Variants in FRMD4B observed in about 807,000 individuals in gnomAD.
The protein encoded by FRMD4B is FERM domain-containing protein 4B.
A neutral mutation model predicts 141.5 loss-of-function variants in FRMD4B; 74 were observed. The observed-to-expected ratio is 0.52, with a 90% CI of 0.43 to 0.63. The LOEUF (loss-of-function observed/expected upper bound fraction) is 0.63. FRMD4B is among the 30% of genes least tolerant of loss of function. FRMD4B has a pLI of 0.00. For synonymous variants in FRMD4B, 506 were observed against 467.9 expected, an observed-to-expected ratio of 1.08 and a Z score of -1.05; for missense variants, 1,366 against 1,253.4, an observed-to-expected ratio of 1.09 and a Z score of -1.36.
At chr3:69,352,421 T>C (rs986652204) in intron 1 of FRMD4B, among the ~76,000 whole-genome samples, 9 of 152,208 alleles carry the variant, frequency 5.9e-5, no homozygotes, top group African/African-American at 1.4e-4. Flanking sequence ...CCAGTTCCTA[T>C]TGTGATATAT....
At chr3:69,416,658 C>T (rs1375632002) in intron 2 of FRMD4B, among the ~76,000 whole-genome samples, 3 of 152,112 alleles carry the variant, frequency 2.0e-5, no homozygotes, top group African/African-American at 7.2e-5. Flanking sequence ...AGGTTTTAAG[C>T]CCTGCATGTA....
intron 5 of FRMD4B, among the ~76,000 whole-genome samples, chr3:69,255,954 G>A (rs2093489733): frequency 6.6e-6 from 1 of 152,112 alleles, no homozygotes. Context: ...TACTCAAGCA[G>A]GGTGCTCTGG....
At chr3:69,313,918 T>C (rs867671808) in intron 1 of FRMD4B, among the ~76,000 whole-genome samples, 55 of 149,778 alleles carry the variant, frequency 3.7e-4, no homozygotes, top group Middle Eastern at 3.4e-3. Flanking sequence ...GGCGGGCGGA[T>C]CACGAGGTCA....
At chr3:69,344,054 G>A (rs1387364820) in intron 1 of FRMD4B, among the ~76,000 whole-genome samples, 1 of 152,170 alleles carries the variant, frequency 6.6e-6, no homozygotes, top group South Asian at 2.1e-4. Flanking sequence ...CATACCCAGG[G>A]AATATGTGCT....
At chr3:69,256,421 G>A (rs781010736) in intron 5 of FRMD4B, among the ~76,000 whole-genome samples, 3 of 152,204 alleles carry the variant, frequency 2.0e-5, no homozygotes, top group Admixed American at 6.5e-5. Context: ...CCGGGTTCAA[G>A]TGATCCTCTC....
chr3:69,210,569 G>A (rs915903133), intron 11 of FRMD4B, among the ~76,000 whole-genome samples: 1 of 152,062 alleles, frequency 6.6e-6, no homozygotes, highest in Non-Finnish European at 1.5e-5. Flanking sequence ...AAGTAAAGCT[G>A]CTTATTGTCT....
At chr3:69,309,460 G>A (rs1701502736) in intron 3 of FRMD4B, among the ~76,000 whole-genome samples, 1 of 151,678 alleles carries the variant, frequency 6.6e-6, no homozygotes, top group Admixed American at 6.6e-5. Flanking sequence ...ATATACTTGA[G>A]ACAAGGTCTC....
chr3:69,536,728 A>G, intron 1 of FRMD4B: 1 of 631,168 alleles, frequency 1.6e-6, no homozygotes, highest in East Asian at 3.0e-5. Flanking sequence ...TATGGTAAGG[A>G]CTTCCTCAGT....
chr3:69,210,404 G>A (rs2093063822), intron 11 of FRMD4B, among the ~76,000 whole-genome samples: 1 of 150,690 alleles, frequency 6.6e-6, no homozygotes, highest in Admixed American at 6.6e-5. Flanking sequence ...TACTTAGAAG[G>A]AACACAAGGC....
At chr3:69,278,855 C>G (rs1263986040) in intron 5 of FRMD4B, among the ~76,000 whole-genome samples, 1 of 152,158 alleles carries the variant, frequency 6.6e-6, no homozygotes, top group Non-Finnish European at 1.5e-5. Context: ...TCCCAAAGTG[C>G]TGGGATTAGA....
chr3:69,290,355 A>C (rs2107089044), intron 4 of FRMD4B, among the ~76,000 whole-genome samples: 1 of 152,336 alleles, frequency 6.6e-6, no homozygotes, highest in Admixed American at 6.5e-5. Context: ...AGAAGCCATG[A>C]AGTAGAGAGG....
intron 1 of FRMD4B, among the ~76,000 whole-genome samples, chr3:69,486,396 A>C (rs1291083512): frequency 1.3e-5 from 2 of 151,966 alleles, no homozygotes; most frequent in Non-Finnish European, 2.9e-5. Context: ...CAAGTCCCCA[A>C]AGTCCATCGT....
At chr3:69,347,068 T>C (rs1246343827) in intron 1 of FRMD4B, among the ~76,000 whole-genome samples, 2 of 152,194 alleles carry the variant, frequency 1.3e-5, no homozygotes, top group Admixed American at 6.5e-5. Context: ...CCCATCAGTG[T>C]GCTGTATTCA....
At position 69,184,191 on chromosome 3, in the gene FRMD4B, C is replaced by A. The variant is rs533534675; in HGVS notation, c.1920-1474G>T. 2.6e-5 allele frequency among the ~76,000 whole-genome samples: 4 copies of A among 152,248 alleles called. No individual in the cohort carries two copies. The South Asian group carries it at 8.3e-4, about 32-fold the overall frequency. ...CCTCCCAAAGTGCTGGGATTACAGG[C>A]GTGAGCCGCTGCCTGTATAATCTGA... On this transcript the variant is annotated intron_variant, in intron 19 of 22. Transcript: ENST00000398540.
chr3:69,349,251 G>A (rs1240152771), intron 1 of FRMD4B, among the ~76,000 whole-genome samples: 1 of 152,142 alleles, frequency 6.6e-6, no homozygotes, highest in Admixed American at 6.5e-5. Flanking sequence ...AAATACCTAG[G>A]AATCCAACTT....
intron 5 of FRMD4B, among the ~76,000 whole-genome samples, chr3:69,287,027 A>G (rs1440967457): frequency 6.6e-6 from 1 of 152,120 alleles, no homozygotes; most frequent in Non-Finnish European, 1.5e-5. Flanking sequence ...CTGGTCTCGA[A>G]CTACTGACCT....
At chr3:69,516,974 C>T (rs1302234249) in intron 1 of FRMD4B, among the ~76,000 whole-genome samples, 1 of 152,100 alleles carries the variant, frequency 6.6e-6, no homozygotes, top group Non-Finnish European at 1.5e-5. Flanking sequence ...ACTTCCATAC[C>T]TCTCCTCCCT....
intron 5 of FRMD4B, among the ~76,000 whole-genome samples, chr3:69,263,347 G>A (rs1369264527): frequency 6.7e-6 from 1 of 149,632 alleles, no homozygotes; most frequent in East Asian, 2.0e-4. Context: ...TTGGGTGCCA[G>A]TAATCTTCTG....
upstream of FRMD4B, among the ~76,000 whole-genome samples, chr3:69,387,663 C>T (rs1704291819): frequency 6.6e-6 from 1 of 152,186 alleles, no homozygotes; most frequent in Non-Finnish European, 1.5e-5. Context: ...AGCTTGATTT[C>T]AGGTATCAAA....
Sources: gnomAD v4.1 joint callset for allele counts (sites outside exome capture counted in the v4.1 genomes callset) on GRCh38, gnomAD v4.1.1 for gene constraint, MANE v1.5 for transcripts, NCBI Gene and HGNC (gene_info 2026-07-23, HGNC 2026-07-21) for gene names.